HIVEP2: variants seen among roughly 807,000 people sequenced by gnomAD.
HIVEP2 encodes HIVEP zinc finger 2.
HIVEP2 carries 14 observed loss-of-function variants against 180.7 expected under a neutral mutation model. The observed-to-expected ratio is 0.08, with a 90% confidence interval of 0.05 to 0.12. The LOEUF is 0.12. HIVEP2 is among the 10% of genes least tolerant of loss of function. The pLI is 1.00. For missense variants in HIVEP2, 2,579 were observed against 3,008.5 expected, an observed-to-expected ratio of 0.86 and a Z score of 3.34; for synonymous variants, 1,184 against 1,136.4, an observed-to-expected ratio of 1.04 and a Z score of -0.84.
rs959607887 is a variant in HIVEP2 at position 142,945,023 on chromosome 6, G to T, written c.-641+76C>A. On this transcript the variant is annotated intron_variant, in intron 1 of 9. Transcript: ENST00000367603. This position sits in a 1 kb window ranked among gnomAD's most constrained non-coding sequence, Gnocchi z 5.5. ...CCTTCGCTGCGCTCGCTCGGCCGCAGGCCGGCGGCCCGGGCCTCGCGCCGC... is the reference window on the plus strand; with the variant it reads ...CCTTCGCTGCGCTCGCTCGGCCGCATGCCGGCGGCCCGGGCCTCGCGCCGC... The T allele has an allele frequency of 4.1e-5, 6 of 147,372 alleles. No individual in the cohort carries two copies. The highest frequency in any genetic ancestry group is 1.5e-4 in the African/African-American group (6 of 40,952). The allele number at this position is 147,372 out of a possible 1,614,324, so 9.1% of individuals were successfully genotyped here.
chr6:142,879,147 C>T (rs1220015945), intron 1 of HIVEP2, among the ~76,000 whole-genome samples: 1 of 152,130 alleles, frequency 6.6e-6, no homozygotes, highest in Non-Finnish European at 1.5e-5. Flanking sequence ...TGGAGGGGCA[C>T]ATCCTTTATA....
intron 1 of HIVEP2, among the ~76,000 whole-genome samples, chr6:142,902,485 TC>T (rs1254329532): frequency 1.3e-5 from 2 of 152,218 alleles, no homozygotes; most frequent in African/African-American, 4.8e-5. Flanking sequence ...AATAAACTTC[TC>T]AGGCAAACCA....
intron 1 of HIVEP2, among the ~76,000 whole-genome samples, chr6:142,926,282 CA>C (rs1777807999): frequency 6.6e-6 from 1 of 152,174 alleles, no homozygotes; most frequent in Admixed American, 6.5e-5. Flanking sequence ...TTCAAATTCA[CA>C]AGATCATTAG....
At chr6:142,834,044 A>G (rs1384699716) in intron 2 of HIVEP2, among the ~76,000 whole-genome samples, 1 of 152,218 alleles carries the variant, frequency 6.6e-6, no homozygotes. Flanking sequence ...ATGATCTGTG[A>G]TAGCAGAAGT....
intron 1 of HIVEP2, among the ~76,000 whole-genome samples, chr6:142,911,698 GA>G (rs1256489207): frequency 3.3e-5 from 5 of 152,140 alleles, no homozygotes; most frequent in Admixed American, 2.0e-4. Context: ...TCTCAGAAAT[GA>G]GACAACAAGC....
At chr6:142,903,075 T>C (rs549332396) in intron 1 of HIVEP2, among the ~76,000 whole-genome samples, 24 of 152,306 alleles carry the variant, frequency 1.6e-4, no homozygotes, top group African/African-American at 5.1e-4. Flanking sequence ...TCCTTTATTA[T>C]AATTAATTTC....
At chr6:142,908,196 A>G (rs753807041) in intron 1 of HIVEP2, among the ~76,000 whole-genome samples, 1 of 152,170 alleles carries the variant, frequency 6.6e-6, no homozygotes, top group Non-Finnish European at 1.5e-5. Flanking sequence ...ACTCTATTTG[A>G]ATGGTGCCCT....
chr6:142,805,569 G>A (rs201560880), intron 2 of HIVEP2, among the ~76,000 whole-genome samples: 3 of 147,034 alleles, frequency 2.0e-5, no homozygotes, highest in African/African-American at 5.1e-5. Context: ...GAGTTTTACA[G>A]AAAAAAAAAA....
At chr6:142,936,019 G>A (rs1019289027) in intron 1 of HIVEP2, among the ~76,000 whole-genome samples, 1 of 151,812 alleles carries the variant, frequency 6.6e-6, no homozygotes, top group Non-Finnish European at 1.5e-5. Flanking sequence ...GGACTGAGGC[G>A]GGAGATCATT....
At chr6:142,920,490 G>T (rs1014101876) in intron 1 of HIVEP2, among the ~76,000 whole-genome samples, 2 of 152,150 alleles carry the variant, frequency 1.3e-5, no homozygotes, top group Non-Finnish European at 2.9e-5. Context: ...TAGCAGGAGG[G>T]AGAACTCATT....
At chr6:142,877,245 C>A (rs1001495855) in intron 1 of HIVEP2, among the ~76,000 whole-genome samples, 1 of 152,112 alleles carries the variant, frequency 6.6e-6, no homozygotes, top group Non-Finnish European at 1.5e-5. Context: ...CTAACAAGCT[C>A]ATGAAGTACA....
At chr6:142,915,064 C>T (rs1164494013) in intron 1 of HIVEP2, among the ~76,000 whole-genome samples, 1 of 152,172 alleles carries the variant, frequency 6.6e-6, no homozygotes, top group East Asian at 1.9e-4. Context: ...TTGAACCTCA[C>T]TGGACACAAT....
In HIVEP2 at chr6:142,769,588, C is replaced by G; in HGVS notation, c.5151G>C (p.Lys1717Asn). 3 of 1,614,188 alleles carry G rather than the reference C, an allele frequency of 1.9e-6. No homozygotes were observed. Among genetic ancestry groups the G allele is most frequent in the Non-Finnish European group, 2.5e-6 (3 of 1,180,040 alleles). The change falls in exon 5 of 10, where the codon AAG (lysine) becomes AAC (asparagine). Residue 1717 changes from lysine (K) to asparagine (N), a missense_variant. Transcript: ENST00000367603. ...LAAMHRPGTGKLTSSSAWKQF... is the reference protein window; with the variant it reads ...LAAMHRPGTGNLTSSSAWKQF... ...GCTTCCAAGCACTTGATGATGTAAG[C>G]TTGCCGGTTCCAGGCCTATGCATAG...
At chr6:142,861,261 C>T (rs1226331157) in intron 1 of HIVEP2, among the ~76,000 whole-genome samples, 2 of 152,176 alleles carry the variant, frequency 1.3e-5, no homozygotes, top group Non-Finnish European at 2.9e-5. Flanking sequence ...AGTCTTTCCC[C>T]ATTCATTGAC....
At position 142,770,863 on chromosome 6, in the gene HIVEP2, G is replaced by A; in HGVS notation, c.3876C>T (p.Asn1292=). 1 of 1,614,228 alleles carries A rather than the reference G, an allele frequency of 6.2e-7. No individual in the cohort carries two copies. The highest frequency in any genetic ancestry group is 8.5e-7 in the Non-Finnish European group (1 of 1,180,040). The change falls in exon 5 of 10, where the codon AAC becomes AAT. Residue 1292 remains asparagine (N), a synonymous_variant. Coordinates refer to ENST00000367603, the MANE Select transcript of HIVEP2 (RefSeq NM_006734.4). This position sits in a 1 kb window ranked among gnomAD's most constrained non-coding sequence, Gnocchi z 4.7. Reference sequence around the variant, plus strand: ...GGTCTGATGGAAACTTTGGAAGAAGGTTCTTTGGGTGTAGCCCTGATGCTC... The same window carrying A: ...GGTCTGATGGAAACTTTGGAAGAAGATTCTTTGGGTGTAGCCCTGATGCTC... ...YSGASGLHPK[N]LLPKFPSDQS...
intron 2 of HIVEP2, among the ~76,000 whole-genome samples, chr6:142,831,103 T>C (rs1350708801): frequency 6.6e-6 from 1 of 152,184 alleles, no homozygotes; most frequent in Non-Finnish European, 1.5e-5. Context: ...CAGGGACAAT[T>C]CTCAGAGGCA....
intron 2 of HIVEP2, among the ~76,000 whole-genome samples, chr6:142,823,773 C>T (rs7747775): frequency 0.023 from 3,473 of 152,302 alleles, 153 homozygotes; most frequent in African/African-American, 0.078. Context: ...CAATTCTTTA[C>T]ATTAGCAACT....
chr6:142,864,701 G>A (rs1200249649), intron 1 of HIVEP2, among the ~76,000 whole-genome samples: 1 of 152,092 alleles, frequency 6.6e-6, no homozygotes, highest in African/African-American at 2.4e-5. Context: ...TTGCTTCTGA[G>A]AATTAGAGCC....
At chr6:142,923,059 C>T (rs1308690867) in intron 1 of HIVEP2, among the ~76,000 whole-genome samples, 1 of 152,086 alleles carries the variant, frequency 6.6e-6, no homozygotes, top group Non-Finnish European at 1.5e-5. Context: ...TTAGGCCAGG[C>T]GCGGTGGCTC....
Sources: gnomAD v4.1 joint callset for allele counts (sites outside exome capture counted in the v4.1 genomes callset) on GRCh38, gnomAD v4.1.1 for gene constraint, Gnocchi (gnomAD v3.1) non-coding constraint, MANE v1.5 for transcripts, NCBI Gene and HGNC (gene_info 2026-07-23, HGNC 2026-07-21) for gene names.